The following EXOC4 variants were observed in gnomAD, a reference collection of about 807,000 sequenced individuals.
EXOC4 encodes SEC8-like 1.
In EXOC4, 71 loss-of-function variants were observed where a neutral mutation model predicts 107.2. The ratio of observed to expected loss-of-function variants is 0.66; its 90% confidence interval spans 0.55 to 0.81. The LOEUF (loss-of-function observed/expected upper bound fraction) is 0.81. Among genes scored for constraint, EXOC4 ranks in the 30% least tolerant of loss-of-function variants. The pLI is 0.00. For synonymous variants in EXOC4, 456 were observed against 441.2 expected (o/e 1.03, Z -0.42); for missense variants, 1,108 against 1,189.6 (o/e 0.93, Z 1.01).
intron 7 of EXOC4, among the ~76,000 whole-genome samples, chr7:133,403,066 C>T (rs1329848037): frequency 7.3e-5 from 11 of 150,808 alleles, no homozygotes; most frequent in Admixed American, 6.0e-4. Context: ...TTTATTTGTA[C>T]TAGAGACGGG....
At chr7:133,501,092 A>G (rs1345047344) in intron 9 of EXOC4, among the ~76,000 whole-genome samples, 3 of 152,218 alleles carry the variant, frequency 2.0e-5, no homozygotes, top group Non-Finnish European at 4.4e-5. Flanking sequence ...ATATATGTAT[A>G]TATAATTATT....
chr7:133,928,722 C>G (rs1199068416), intron 13 of EXOC4, among the ~76,000 whole-genome samples: 1 of 151,960 alleles, frequency 6.6e-6, no homozygotes, highest in East Asian at 1.9e-4. Flanking sequence ...GATAAACCTA[C>G]ACAGAAGAGG....
intron 17 of EXOC4, among the ~76,000 whole-genome samples, chr7:134,063,347 G>A (rs563895009): frequency 2.6e-5 from 4 of 152,236 alleles, no homozygotes; most frequent in South Asian, 2.1e-4. Flanking sequence ...TGCTATTAAC[G>A]CACGGTACTA....
chr7:134,051,126 G>A (rs139782431), intron 17 of EXOC4, among the ~76,000 whole-genome samples: 108 of 152,314 alleles, frequency 7.1e-4, no homozygotes, highest in Non-Finnish European at 2.4e-4. Context: ...GGCTAGGGAG[G>A]CCACCTGACA....
At chr7:133,372,722 A>G (rs946039636) in intron 6 of EXOC4, among the ~76,000 whole-genome samples, 1 of 152,234 alleles carries the variant, frequency 6.6e-6, no homozygotes, top group Admixed American at 6.5e-5. Flanking sequence ...ACAATCCTGT[A>G]TCTAGAACTT....
chr7:133,453,919 T>C (rs890329236), intron 7 of EXOC4, among the ~76,000 whole-genome samples: 6 of 152,140 alleles, frequency 3.9e-5, no homozygotes, highest in African/African-American at 7.2e-5. Context: ...TGGAATTAAG[T>C]CACCTCTATA....
At chr7:133,773,841 G>GTCTGCTTATCTTCTA (rs1307045039) in intron 10 of EXOC4, among the ~76,000 whole-genome samples, 21 of 152,028 alleles carry the variant, frequency 1.4e-4, no homozygotes, top group African/African-American at 4.8e-4. Context: ...AGATAAGCCT[G>GTCTGCTTATCTTCTA]CTGTCTGCTA....
downstream of EXOC4, among the ~76,000 whole-genome samples, chr7:134,070,863 G>C (rs1481166985): frequency 6.6e-6 from 1 of 152,054 alleles, no homozygotes; most frequent in Non-Finnish European, 1.5e-5. Context: ...GGTGACCTCA[G>C]ATTCCTGCTG....
At chr7:133,308,960 T>C (rs1177559963) in intron 4 of EXOC4, among the ~76,000 whole-genome samples, 3 of 152,206 alleles carry the variant, frequency 2.0e-5, no homozygotes, top group Non-Finnish European at 4.4e-5. Context: ...GACTTCATTT[T>C]GCAAGCTGTT....
Position 133,997,475 on chromosome 7 carries a change from T to G in EXOC4, c.2207-17T>G. ...GGCATCTAATGAAATGATTGGTGTT[T>G]TATCCTTACCTTTCAGTGCTTTCTC... On this transcript the variant is annotated splice_polypyrimidine_tract_variant and intron_variant, in intron 14 of 17. Transcript: ENST00000253861. 6.2e-7 allele frequency: 1 copy of G among 1,613,120 alleles called. No individual in the cohort carries two copies. The highest frequency in any genetic ancestry group is 8.5e-7 in the Non-Finnish European group (1 of 1,179,464).
intron 10 of EXOC4, among the ~76,000 whole-genome samples, chr7:133,792,575 C>T (rs1438921605): frequency 1.4e-5 from 1 of 70,694 alleles, no homozygotes; most frequent in Non-Finnish European, 3.1e-5. Context: ...AAAAAAAAAC[C>T]TAAAAGGTAC....
chr7:133,455,028 G>T (rs983554385), intron 7 of EXOC4, among the ~76,000 whole-genome samples: 1 of 152,144 alleles, frequency 6.6e-6, no homozygotes, highest in Non-Finnish European at 1.5e-5. Flanking sequence ...TGAGGCTGCA[G>T]TGAGTCAAGA....
chr7:133,899,819 C>T (rs1452965597), intron 12 of EXOC4, among the ~76,000 whole-genome samples: 1 of 145,064 alleles, frequency 6.9e-6, no homozygotes, highest in African/African-American at 2.6e-5. Flanking sequence ...AATCTTGGCT[C>T]ACTGCAGCCT....
chr7:133,393,199 C>T (rs1420350186), intron 7 of EXOC4, among the ~76,000 whole-genome samples: 2 of 152,064 alleles, frequency 1.3e-5, no homozygotes, highest in Non-Finnish European at 2.9e-5. Context: ...TTGTTTTTAC[C>T]ACTCATTTGA....
In EXOC4 at chr7:133,317,269, T is replaced by G. The variant is rs1435893559; in HGVS notation, c.657-15T>G. The G allele has an allele frequency of 5.0e-6, 8 of 1,589,528 alleles. No homozygotes were observed. The African/African-American group carries it at 5.4e-5, about 11-fold the overall frequency. ...TTTGAAGAAAGTGGTAACTAGTGCT[T>G]CTTTTCCCGTTCAGCTCCCTCGTGA... On this transcript the variant is annotated splice_polypyrimidine_tract_variant and intron_variant, in intron 4 of 17. Coordinates refer to ENST00000253861, the MANE Select transcript of EXOC4 (RefSeq NM_021807.4).
At chr7:133,305,437 T>C (rs1794730942) in intron 3 of EXOC4, among the ~76,000 whole-genome samples, 2 of 152,192 alleles carry the variant, frequency 1.3e-5, no homozygotes. Flanking sequence ...CAAAGAGTCA[T>C]GATTGCTGTG....
At chr7:133,760,550 A>G (rs1290435338) in intron 10 of EXOC4, among the ~76,000 whole-genome samples, 1 of 152,110 alleles carries the variant, frequency 6.6e-6, no homozygotes, top group Admixed American at 6.6e-5. Context: ...ATATGACCGC[A>G]CACGTGAGTG....
intron 10 of EXOC4, among the ~76,000 whole-genome samples, chr7:133,712,298 G>A (rs1004517008): frequency 2.0e-5 from 3 of 151,896 alleles, no homozygotes; most frequent in Non-Finnish European, 4.4e-5. Context: ...AATTAGCTGG[G>A]CATGGTGGTA....
downstream of EXOC4, among the ~76,000 whole-genome samples, chr7:134,067,630 TATATATATACACAC>T (rs919008161): frequency 9.9e-5 from 2 of 20,270 alleles, no homozygotes; most frequent in African/African-American, 2.7e-4. Context: ...AACTCTTATA[TATATATATACACAC>T]ACACACACAC....
Sources: allele counts gnomAD v4.1 joint callset (sites outside exome capture counted in the v4.1 genomes callset), GRCh38; gene constraint gnomAD v4.1.1; transcripts MANE v1.5; gene names NCBI Gene and HGNC (gene_info 2026-07-23, HGNC 2026-07-21).